The following THRB variants were observed in gnomAD, a reference collection of about 807,000 sequenced individuals.
THRB encodes the protein thyroid hormone receptor beta, also known as nuclear receptor subfamily 1 group A member 2.
In THRB, 12 loss-of-function variants were observed where a neutral mutation model predicts 47.8. That is an observed-to-expected ratio of 0.25 (90% confidence interval 0.16 to 0.41). The LOEUF (loss-of-function observed/expected upper bound fraction) is 0.41. THRB is among the 10% of genes least tolerant of loss of function. The pLI is 1.00. For missense variants in THRB, 348 were observed against 589.2 expected, an observed-to-expected ratio of 0.59 and a Z score of 4.24; for synonymous variants, 218 against 212.2, an observed-to-expected ratio of 1.03 and a Z score of -0.24.
intron 3 of THRB, among the ~76,000 whole-genome samples, chr3:24,265,816 A>G (rs2052591081): frequency 6.6e-6 from 1 of 152,174 alleles, no homozygotes. Context: ...AGGCTACGTT[A>G]CATACTCATA....
At chr3:24,347,207 C>T (rs959901146) in intron 1 of THRB, among the ~76,000 whole-genome samples, 1 of 151,946 alleles carries the variant, frequency 6.6e-6, no homozygotes, top group African/African-American at 2.4e-5. Flanking sequence ...TAGAAGAAAA[C>T]ATGCCATCTC....
intron 4 of THRB, among the ~76,000 whole-genome samples, chr3:24,192,524 A>G (rs1008125411): frequency 6.6e-5 from 10 of 152,314 alleles, no homozygotes; most frequent in African/African-American, 2.4e-4. Context: ...AAAATTTGGT[A>G]TTAATTCCCT....
chr3:24,131,849 G>T (rs2033905661), intron 9 of THRB, among the ~76,000 whole-genome samples: 1 of 152,216 alleles, frequency 6.6e-6, no homozygotes, highest in South Asian at 2.1e-4. Flanking sequence ...AAGCCACTCA[G>T]TCTATGGTAT....
At chr3:24,353,680 C>T (rs890427555) in intron 1 of THRB, among the ~76,000 whole-genome samples, 4 of 151,866 alleles carry the variant, frequency 2.6e-5, no homozygotes, top group Admixed American at 6.6e-5. Flanking sequence ...ATATATTAGG[C>T]GATTCCATAT....
chr3:24,319,094 A>C (rs895245898), intron 2 of THRB, among the ~76,000 whole-genome samples: 8 of 152,256 alleles, frequency 5.3e-5, no homozygotes, highest in Non-Finnish European at 1.0e-4. Context: ...AAATTTAAAA[A>C]GACTAACATT....
At position 24,210,307 on chromosome 3, in the gene THRB, A is replaced by G. The variant is rs911757868; in HGVS notation, c.22+18631T>C. On this transcript the variant is annotated intron_variant, in intron 4 of 10. Coordinates refer to ENST00000646209, the MANE Select transcript of THRB (RefSeq NM_001354712.2). ...TCTGGAAGAAAAATTCCATACCTGC[A>G]TGTTCCCTTCATGTGAAGATTATTT... is the stretch of plus-strand genomic sequence containing the variant. Among the ~76,000 whole-genome samples the G allele has an allele frequency of 2.0e-5, 3 of 152,250 alleles. No homozygotes were observed. The East Asian group carries it at 5.8e-4, about 29-fold the overall frequency.
At chr3:24,454,231 T>C (rs2072952234) in intron 1 of THRB, among the ~76,000 whole-genome samples, 1 of 152,206 alleles carries the variant, frequency 6.6e-6, no homozygotes, top group Admixed American at 6.6e-5. Flanking sequence ...GAAAACATTA[T>C]GCTTAGTGAA....
intron 1 of THRB, among the ~76,000 whole-genome samples, chr3:24,341,965 T>C (rs2062685653): frequency 6.6e-6 from 1 of 152,144 alleles, no homozygotes; most frequent in Non-Finnish European, 1.5e-5. Flanking sequence ...GACATACAGC[T>C]GACCACAAAT....
chr3:24,346,399 G>A (rs2063018936), intron 1 of THRB, among the ~76,000 whole-genome samples: 1 of 151,984 alleles, frequency 6.6e-6, no homozygotes, highest in African/African-American at 2.4e-5. Flanking sequence ...GGTAACAAAG[G>A]AGAGGAAAAG....
intron 5 of THRB, among the ~76,000 whole-genome samples, chr3:24,179,071 C>T (rs1575624319): frequency 6.6e-6 from 1 of 152,218 alleles, no homozygotes; most frequent in East Asian, 1.9e-4. Context: ...GGATCCCAGA[C>T]CGGAAAATAA....
intron 2 of THRB, among the ~76,000 whole-genome samples, chr3:24,301,968 C>T (rs778395135): frequency 2.0e-5 from 3 of 152,090 alleles, no homozygotes; most frequent in Non-Finnish European, 4.4e-5. Context: ...AGTTGATTCT[C>T]CCTCAGAGGC....
intron 1 of THRB, among the ~76,000 whole-genome samples, chr3:24,400,051 C>T (rs562521128): frequency 1.3e-5 from 2 of 152,236 alleles, no homozygotes; most frequent in East Asian, 1.9e-4. Context: ...CACCAAATGA[C>T]GGCTTCAAAC....
intron 2 of THRB, among the ~76,000 whole-genome samples, chr3:24,299,249 TAAAAAAA>T (rs36061929): frequency 4.3e-5 from 3 of 70,190 alleles, no homozygotes; most frequent in South Asian, 5.7e-4. Flanking sequence ...CTCAGTCTCA[TAAAAAAA>T]AAAAAAAAAA....
chr3:24,367,359 GA>G (rs756248628), intron 1 of THRB, among the ~76,000 whole-genome samples: 1 of 152,194 alleles, frequency 6.6e-6, no homozygotes, highest in Admixed American at 6.5e-5. Flanking sequence ...CTTTGGTTTA[GA>G]AATTACAGAC....
intron 1 of THRB, among the ~76,000 whole-genome samples, chr3:24,472,810 T>C (rs1694900135): frequency 6.6e-6 from 1 of 152,194 alleles, no homozygotes; most frequent in South Asian, 2.1e-4. Context: ...TGACAGAAGA[T>C]TCAATTCTTC....
intron 3 of THRB, among the ~76,000 whole-genome samples, chr3:24,263,384 G>T (rs1299341313): frequency 6.6e-6 from 1 of 152,092 alleles, no homozygotes; most frequent in Non-Finnish European, 1.5e-5. Context: ...AGGTAAAGTG[G>T]CTTGCTCAAG....
At chr3:24,205,990 G>C (rs12635846) in intron 4 of THRB, among the ~76,000 whole-genome samples, 23,893 of 152,144 alleles carry the variant, frequency 0.16, 2,102 homozygotes, top group Non-Finnish European at 0.2. Context: ...GGAGCACCCA[G>C]ATTCACAAAG....
At chr3:24,241,946 G>A (rs1229594675) in intron 3 of THRB, among the ~76,000 whole-genome samples, 1 of 152,080 alleles carries the variant, frequency 6.6e-6, no homozygotes, top group Non-Finnish European at 1.5e-5. Context: ...GTCTTCAAAA[G>A]GTAGGGACCA....
chr3:24,243,894 G>A (rs148561766), intron 3 of THRB, among the ~76,000 whole-genome samples: 8 of 99,448 alleles, frequency 8.0e-5, no homozygotes, highest in East Asian at 5.2e-4. Context: ...CTAGGGACAG[G>A]TGCTGAATGG....
Sources: allele counts gnomAD v4.1 joint callset (sites outside exome capture counted in the v4.1 genomes callset), GRCh38; gene constraint gnomAD v4.1.1; transcripts MANE v1.5; gene names NCBI Gene and HGNC (gene_info 2026-07-23, HGNC 2026-07-21).